The following ERICH3 variants were observed in gnomAD, a reference collection of about 807,000 sequenced individuals.
ERICH3 encodes the protein glutamate rich 3.
ERICH3 carries 126 observed loss-of-function variants against 131.1 expected under a neutral mutation model. The ratio of observed to expected loss-of-function variants is 0.96; its 90% CI spans 0.83 to 1.11. ERICH3 has a LOEUF of 1.11. ERICH3 is among the 50% of genes most tolerant of loss of function. The pLI is 0.00. For synonymous variants in ERICH3, 695 were observed against 644.6 expected (o/e 1.08, Z -1.18); for missense variants, 2,050 against 1,810.7 (o/e 1.13, Z -2.40).
At chr1:74,616,302 G>A (rs1557685065) in intron 8 of ERICH3, among the ~76,000 whole-genome samples, 1 of 152,128 alleles carries the variant, frequency 6.6e-6, no homozygotes, top group Non-Finnish European at 1.5e-5. Flanking sequence ...TTACAGGCAT[G>A]AGCCACCACA....
chr1:74,655,873 A>C (rs1422132984), intron 1 of ERICH3, among the ~76,000 whole-genome samples: 2 of 152,174 alleles, frequency 1.3e-5, no homozygotes, highest in Admixed American at 1.3e-4. Flanking sequence ...AATTTATTAA[A>C]AAATAGAAAT....
At position 74,573,145 on chromosome 1, in the gene ERICH3, C is replaced by G; in HGVS notation, c.2565G>C (p.Gly855=). 1 of 1,612,638 alleles carries G rather than the reference C, an allele frequency of 6.2e-7. No homozygotes were observed. The highest frequency in any genetic ancestry group is 8.5e-7 in the Non-Finnish European group (1 of 1,179,330). Residue 855 remains glycine (G), a synonymous_variant, in exon 14 of 15, where the codon GGG becomes GGC. Coordinates refer to ENST00000326665, the MANE Select transcript of ERICH3 (RefSeq NM_001002912.5). ...CTGCTGCTTGTCCTATGGGGTCTGA[C>G]CCCCCTTCACCCAGCCTTCTGACCC... ...AEGVRRLGEG[G]SDPIGQAAAK... is the part of the protein sequence containing the mutation.
At chr1:74,671,641 G>A (rs933427147) in intron 1 of ERICH3, among the ~76,000 whole-genome samples, 23 of 152,136 alleles carry the variant, frequency 1.5e-4, no homozygotes, top group African/African-American at 5.6e-4. Flanking sequence ...AAAAATGAGG[G>A]TAACTAAAAA....
chr1:74,654,368 A>G, intron 1 of ERICH3, among the ~76,000 whole-genome samples: 1 of 151,620 alleles, frequency 6.6e-6, no homozygotes, highest in African/African-American at 2.4e-5. Flanking sequence ...ATATATATAT[A>G]TGTATGTATA....
intron 1 of ERICH3, among the ~76,000 whole-genome samples, chr1:74,667,077 T>A (rs1260917104): frequency 6.7e-6 from 1 of 149,588 alleles, no homozygotes; most frequent in East Asian, 2.0e-4. Context: ...TAACTGTATA[T>A]GAATATGTTT....
chr1:74,581,210 T>C (rs1458638051), intron 12 of ERICH3, among the ~76,000 whole-genome samples: 1 of 152,340 alleles, frequency 6.6e-6, no homozygotes, highest in South Asian at 2.1e-4. Flanking sequence ...TTTAGTCTTC[T>C]ATTCAAATAG....
chr1:74,609,296 A>G (rs974195515), intron 9 of ERICH3, among the ~76,000 whole-genome samples: 1 of 152,086 alleles, frequency 6.6e-6, no homozygotes, highest in Non-Finnish European at 1.5e-5. Context: ...ATTTAGAAAT[A>G]TAATTCTCTG....
At chr1:74,662,128 G>A (rs549900127) in intron 1 of ERICH3, among the ~76,000 whole-genome samples, 2 of 152,206 alleles carry the variant, frequency 1.3e-5, no homozygotes, top group South Asian at 4.2e-4. Context: ...GCATTCTCAA[G>A]TTTGATTTTT....
chr1:74,574,857 G>T (rs1045895485), intron 13 of ERICH3, among the ~76,000 whole-genome samples: 1 of 152,016 alleles, frequency 6.6e-6, no homozygotes, highest in Non-Finnish European at 1.5e-5. Flanking sequence ...CAGAATAGAG[G>T]TTAGGGAGCT....
At chr1:74,599,441 A>G (rs1258111572) in intron 11 of ERICH3, among the ~76,000 whole-genome samples, 1 of 151,882 alleles carries the variant, frequency 6.6e-6, no homozygotes, top group Non-Finnish European at 1.5e-5. Context: ...GGAGCATGGG[A>G]GGAGAAAGAG....
intron 1 of ERICH3, among the ~76,000 whole-genome samples, chr1:74,662,202 T>C (rs1354437007): frequency 1.3e-5 from 2 of 152,156 alleles, no homozygotes; most frequent in Non-Finnish European, 2.9e-5. Flanking sequence ...TGAGCCAGTC[T>C]CCTCACCAAG....
Position 74,572,406 on chromosome 1 carries a change from C to T in ERICH3, c.3304G>A (p.Glu1102Lys). ...CTTACTTCTGTCTCTGTTTCCCCTT[C>T]TTCCGCTTTAAGTTTTTGCTCTTCT... ...FKEEQKLKAEEGETETEVRAE... is the reference protein window; with the variant it reads ...FKEEQKLKAEKGETETEVRAE... The change falls in exon 14 of 15, where the codon GAA becomes AAA. Residue 1102 changes from glutamate (E) to lysine (K), a missense_variant. Transcript: ENST00000326665. 6.2e-7 allele frequency: 1 copy of T among 1,613,852 alleles called. No individual in the cohort carries two copies. Among genetic ancestry groups the T allele is most frequent in the Non-Finnish European group, 8.5e-7 (1 of 1,180,036 alleles).
At chr1:74,634,755 C>G in intron 6 of ERICH3, 1 of 682,388 alleles carries the variant, frequency 1.5e-6, no homozygotes, top group Non-Finnish European at 2.7e-6. Flanking sequence ...GTCCTAATGG[C>G]AAAGTTACTG....
chr1:74,614,367 TAA>T (rs58516429), intron 8 of ERICH3, among the ~76,000 whole-genome samples: 13,150 of 114,866 alleles, frequency 0.11, 638 homozygotes, highest in East Asian at 0.22. Context: ...ATTTTTTCCC[TAA>T]AAAAAAAAAA....
At chr1:74,591,281 G>A (rs1393000416) in intron 11 of ERICH3, among the ~76,000 whole-genome samples, 2 of 152,154 alleles carry the variant, frequency 1.3e-5, no homozygotes, top group Admixed American at 6.6e-5. Context: ...AGGGAAGGAA[G>A]GGCAGAAATC....
chr1:74,670,477 TAG>T (rs1168117890), intron 1 of ERICH3, among the ~76,000 whole-genome samples: 1 of 152,180 alleles, frequency 6.6e-6, no homozygotes, highest in Admixed American at 6.6e-5. Context: ...ACAGACAGAC[TAG>T]GTGGAGCCAC....
rs1357790655 is a variant in ERICH3, at chr1:74,599,891, A to G, written c.1530T>C (p.Gly510=). 5 of 1,611,562 alleles carry G rather than the reference A, an allele frequency of 3.1e-6. No individual in the cohort carries two copies. In the African/African-American group the frequency reaches 4.0e-5, roughly 13 times the overall value. The part of the protein sequence containing the change: ...EDFEVDEEKQ[G]EKSNEEGQAD... ...CCTGTCCTTCTTCATTAGATTTTTC[A>G]CCTTGTTTCTCCTCATCTACTTCAA... Residue 510 remains glycine (G), a synonymous_variant, in exon 11 of 15, where the codon GGT becomes GGC. Coordinates refer to ENST00000326665, the MANE Select transcript of ERICH3 (RefSeq NM_001002912.5).
At chr1:74,627,646 C>T (rs1172815243) in intron 7 of ERICH3, among the ~76,000 whole-genome samples, 1 of 151,970 alleles carries the variant, frequency 6.6e-6, no homozygotes, top group African/African-American at 2.4e-5. Context: ...TATATATACA[C>T]ATATGCATAT....
At chr1:74,646,852 C>T in intron 2 of ERICH3, 60 bp from the exon 3 acceptor site, 1 of 876,644 alleles carries the variant, frequency 1.1e-6, no homozygotes, top group Non-Finnish European at 1.6e-6. Flanking sequence ...GTGTTAGTTT[C>T]CAAAAAAGGG....
Sources: gnomAD v4.1 joint callset for allele counts (sites outside exome capture counted in the v4.1 genomes callset) on GRCh38, gnomAD v4.1.1 for gene constraint, MANE v1.5 for transcripts, NCBI Gene and HGNC (gene_info 2026-07-23, HGNC 2026-07-21) for gene names.